The following ADGRL3 variants were observed in gnomAD, a reference collection of about 807,000 sequenced individuals.
ADGRL3 encodes calcium-independent alpha-latrotoxin receptor 3.
A neutral mutation model predicts 153.5 loss-of-function variants in ADGRL3; 62 were observed. The observed-to-expected ratio is 0.40, with a 90% CI of 0.33 to 0.50. The LOEUF (loss-of-function observed/expected upper bound fraction) is 0.50. Among genes scored for constraint, ADGRL3 ranks in the 20% least tolerant of loss-of-function variants. ADGRL3 has a pLI of 0.47. For synonymous variants in ADGRL3, 710 were observed against 672.5 expected (o/e 1.06, Z -0.86); for missense variants, 1,641 against 1,859.4 (o/e 0.88, Z 2.16).
In ADGRL3 at chr4:61,892,865, G is replaced by A. The variant is rs115960764; in HGVS notation, c.1690G>A (p.Glu564Lys). 8.0e-5 allele frequency: 128 copies of A among 1,608,644 alleles called. No individual in the cohort carries two copies. The African/African-American group carries it at 1.5e-3, about 19-fold the overall frequency. Residue 564 changes from glutamate to lysine, a missense_variant, in exon 10 of 27, where the codon GAG (glutamate) becomes AAG (lysine). By Grantham distance (56) the Glu-to-Lys change is moderately conservative (BLOSUM62 1). Transcript: ENST00000683033. ...ATCGTCCCAAATCCCAGCTCTCGAA[G>A]AGAGCTGTGAGGCTGTGGAAGCCCG... The part of the protein sequence containing the change: ...SASSQIPALE[E>K]SCEAVEAREI...
At chr4:61,939,143 T>G (rs1235383181) in intron 15 of ADGRL3, among the ~76,000 whole-genome samples, 5 of 152,162 alleles carry the variant, frequency 3.3e-5, no homozygotes, top group Non-Finnish European at 7.4e-5. Context: ...AAAGACTTGG[T>G]GACTTTGTGG....
chr4:61,460,266 C>T (rs781076756), intron 2 of ADGRL3, among the ~76,000 whole-genome samples: 16 of 151,908 alleles, frequency 1.1e-4, no homozygotes, highest in Non-Finnish European at 2.4e-4. Context: ...ATAGGAGTCT[C>T]ATTTCATTAT....
At chr4:61,971,946 A>C (rs1450976247) in intron 17 of ADGRL3, among the ~76,000 whole-genome samples, 1 of 152,140 alleles carries the variant, frequency 6.6e-6, no homozygotes, top group Admixed American at 6.5e-5. Flanking sequence ...TTGGCTGCAC[A>C]AATGTCTTCT....
At chr4:61,854,287 T>TA (rs1272779808) in intron 9 of ADGRL3, among the ~76,000 whole-genome samples, 2 of 152,134 alleles carry the variant, frequency 1.3e-5, no homozygotes, top group Non-Finnish European at 1.5e-5. Flanking sequence ...GATTCTCTAA[T>TA]AAAAACACCA....
At position 61,515,981 on chromosome 4, in the gene ADGRL3, A is replaced by G. The variant is rs545283346; in HGVS notation, c.56-1334A>G. Among the ~76,000 whole-genome samples, 4 of 152,256 alleles carry G rather than the reference A, an allele frequency of 2.6e-5. No individual in the cohort carries two copies. The South Asian group carries it at 8.3e-4, about 32-fold the overall frequency. On this transcript the variant is annotated intron_variant, in intron 3 of 26. Transcript: ENST00000683033. Reference sequence around the variant, plus strand: ...ACCTTTTTCATTTACACAGGCTATAAAAATGGCATTCAGATTACCTTTGCC... The same window carrying G: ...ACCTTTTTCATTTACACAGGCTATAGAAATGGCATTCAGATTACCTTTGCC...
intron 5 of ADGRL3, among the ~76,000 whole-genome samples, chr4:61,638,103 G>C (rs1258919686): frequency 6.6e-6 from 1 of 152,092 alleles, no homozygotes; most frequent in Non-Finnish European, 1.5e-5. Flanking sequence ...ATTCATAGTA[G>C]CTTTGTTGAT....
intron 21 of ADGRL3, among the ~76,000 whole-genome samples, chr4:62,007,701 C>T (rs28634184): frequency 0.2 from 31,040 of 151,430 alleles, 3,887 homozygotes; most frequent in South Asian, 0.42. Flanking sequence ...CACTGTGCCC[C>T]ACACATTCAA....
At position 61,668,227 on chromosome 4, in the gene ADGRL3, A is replaced by C. The variant is rs901708625; in HGVS notation, c.474-8599A>C. ...TGATGTGACTTTAGAAATGAGGAAG[A>C]AAAGGTGCTGTGTTGTGGGGCCACA... On this transcript the variant is annotated intron_variant, in intron 5 of 26. Transcript: ENST00000683033. Among the ~76,000 whole-genome samples, 10 of 152,356 alleles carry C rather than the reference A, an allele frequency of 6.6e-5. No homozygotes were observed. In the South Asian group the frequency reaches 1.2e-3, roughly 19 times the overall value.
intron 5 of ADGRL3, among the ~76,000 whole-genome samples, chr4:61,596,377 C>T (rs987417260): frequency 1.3e-5 from 2 of 152,182 alleles, no homozygotes; most frequent in Admixed American, 1.3e-4. Context: ...GAGCAATCTT[C>T]ACAGTCAAAC....
intron 2 of ADGRL3, among the ~76,000 whole-genome samples, chr4:61,416,850 C>T (rs2097149701): frequency 1.3e-5 from 2 of 152,142 alleles, no homozygotes; most frequent in Admixed American, 6.5e-5. Flanking sequence ...TTATTACATT[C>T]TAATATATAA....
intron 1 of ADGRL3, among the ~76,000 whole-genome samples, chr4:61,255,355 A>G (rs2091859932): frequency 6.6e-6 from 1 of 152,156 alleles, no homozygotes; most frequent in Admixed American, 6.5e-5. Context: ...CTTCTTAGTA[A>G]ACATTGGCTT....
At chr4:61,211,676 C>T (rs1740076715) in intron 1 of ADGRL3, 1 of 152,182 alleles carries the variant, frequency 6.6e-6, no homozygotes, top group Non-Finnish European at 1.5e-5. Flanking sequence ...ACTTCACCAA[C>T]AAAACCCAAC....
intron 13 of ADGRL3, among the ~76,000 whole-genome samples, chr4:61,928,985 A>G (rs920913501): frequency 1.7e-4 from 26 of 152,174 alleles, no homozygotes; most frequent in Non-Finnish European, 7.4e-5. Context: ...TTCTCTAAGG[A>G]CATGATAGTC....
intron 8 of ADGRL3, among the ~76,000 whole-genome samples, chr4:61,799,353 A>G (rs2097459939): frequency 1.3e-5 from 2 of 152,092 alleles, no homozygotes; most frequent in Admixed American, 6.6e-5. Flanking sequence ...TGCAGGCTAC[A>G]TGTGATCCCT....
At chr4:61,859,282 T>C (rs1159086772) in intron 9 of ADGRL3, among the ~76,000 whole-genome samples, 1 of 152,188 alleles carries the variant, frequency 6.6e-6, no homozygotes, top group Non-Finnish European at 1.5e-5. Context: ...TTTTGTTTTT[T>C]CTACATATTA....
At chr4:61,290,194 C>A (rs1209319292) in intron 1 of ADGRL3, among the ~76,000 whole-genome samples, 2 of 151,912 alleles carry the variant, frequency 1.3e-5, no homozygotes, top group African/African-American at 4.8e-5. Flanking sequence ...TGATTAGTAC[C>A]ACATTTTGAA....
intron 4 of ADGRL3, among the ~76,000 whole-genome samples, chr4:61,565,719 G>C (rs1377827561): frequency 2.0e-5 from 3 of 151,618 alleles, no homozygotes; most frequent in Admixed American, 1.3e-4. Context: ...TGTATTTTTA[G>C]TAGAGATGGG....
intron 1 of ADGRL3, among the ~76,000 whole-genome samples, chr4:61,321,305 T>G (rs2095350661): frequency 6.6e-6 from 1 of 152,078 alleles, no homozygotes; most frequent in African/African-American, 2.4e-5. Context: ...TCACCTAAGT[T>G]GGTAGTCCCA....
chr4:61,921,658 G>A lies in ADGRL3; in HGVS notation c.2112+8901G>A, dbSNP rs185129571. Among the ~76,000 whole-genome samples, 433 of 152,158 alleles carry A rather than the reference G, an allele frequency of 2.8e-3. 1 individual carries two copies. Among genetic ancestry groups the A allele is most frequent in the African/African-American group, 9.9e-3 (410 of 41,514 alleles). ...CCTGACCTCGTGATTCATCTGCCTC[G>A]GCCTCCCAAAGTGCTGGGATTACAG... is the stretch of plus-strand genomic sequence containing the variant. On this transcript the variant is annotated intron_variant, in intron 13 of 26. Coordinates refer to ENST00000683033, the MANE Select transcript of ADGRL3 (RefSeq NM_001387552.1).
Sources: gnomAD v4.1 joint callset for allele counts (sites outside exome capture counted in the v4.1 genomes callset) on GRCh38, gnomAD v4.1.1 for gene constraint, MANE v1.5 for transcripts, NCBI Gene and HGNC (gene_info 2026-07-23, HGNC 2026-07-21) for gene names.